Variants in SLC27A2 observed in about 807,000 individuals in gnomAD.
The protein encoded by SLC27A2 is long-chain fatty acid transport protein 2.
SLC27A2 carries 54 observed loss-of-function variants against 60.0 expected under a neutral mutation model. That is an observed-to-expected ratio of 0.90 (90% CI 0.72 to 1.13). The LOEUF (loss-of-function observed/expected upper bound fraction) is 1.13. Among genes scored for constraint, SLC27A2 ranks in the 50% most tolerant of loss-of-function variants. The pLI, the probability that SLC27A2 is intolerant of heterozygous loss-of-function variation, is 0.00. For synonymous variants in SLC27A2, 297 were observed against 297.6 expected (o/e 1.00, Z 0.02); for missense variants, 739 against 777.6 (o/e 0.95, Z 0.59).
intron 3 of SLC27A2, among the ~76,000 whole-genome samples, chr15:50,204,663 G>A (rs1286633656): frequency 2.6e-5 from 4 of 151,958 alleles, no homozygotes; most frequent in African/African-American, 4.8e-5. Context: ...AACCTGGGGG[G>A]CGGGTGTTGC....
intron 1 of SLC27A2, among the ~76,000 whole-genome samples, chr15:50,189,866 T>G (rs181788433): frequency 2.6e-5 from 4 of 152,212 alleles, no homozygotes; most frequent in African/African-American, 9.6e-5. Flanking sequence ...TGGTAACTCA[T>G]GATAAGGAAT....
chr15:50,235,264 T>G (rs916364390), intron 9 of SLC27A2, among the ~76,000 whole-genome samples: 11 of 152,216 alleles, frequency 7.2e-5, no homozygotes, highest in African/African-American at 2.7e-4. Flanking sequence ...CTCAGATATT[T>G]TGATTAACAC....
chr15:50,204,515 C>T (rs373878151), intron 3 of SLC27A2, among the ~76,000 whole-genome samples: 47 of 151,816 alleles, frequency 3.1e-4, no homozygotes, highest in East Asian at 3.9e-4. Context: ...GTACAGATCA[C>T]GAGGTCAGGA....
chr15:50,214,754 A>G (rs745854299), intron 4 of SLC27A2, among the ~76,000 whole-genome samples: 2 of 152,212 alleles, frequency 1.3e-5, no homozygotes, highest in Non-Finnish European at 2.9e-5. Context: ...GCATTCAACA[A>G]AATCCAGCAT....
At chr15:50,224,185 A>G (rs914191379) in intron 5 of SLC27A2, among the ~76,000 whole-genome samples, 5 of 152,244 alleles carry the variant, frequency 3.3e-5, no homozygotes, top group Admixed American at 2.0e-4. Flanking sequence ...TCACGCCTGT[A>G]ATCCCAGCAC....
At chr15:50,211,358 G>A (rs966433999) in intron 4 of SLC27A2, among the ~76,000 whole-genome samples, 1 of 152,152 alleles carries the variant, frequency 6.6e-6, no homozygotes, top group Non-Finnish European at 1.5e-5. Flanking sequence ...GACTTGCTGG[G>A]TGGCTAGACC....
At chr15:50,229,214 C>T (rs2045299328) in intron 8 of SLC27A2, among the ~76,000 whole-genome samples, 172 bp downstream of exon 8, 1 of 152,330 alleles carries the variant, frequency 6.6e-6, no homozygotes, top group Non-Finnish European at 1.5e-5. Context: ...AAAGCCAACT[C>T]AGTGCATCTG....
In SLC27A2 at chr15:50,226,061, G is replaced by A; in HGVS notation, c.1241G>A (p.Cys414Tyr). ...DEPVRDENGY[C>Y]VRVPKGEVGL... is the part of the protein sequence containing the mutation. ...CCTGTCCGTGATGAAAATGGATATT[G>A]CGTCAGAGTTCCCAAAGGTACAGTG... is the stretch of plus-strand genomic sequence containing the variant. Residue 414 changes from cysteine to tyrosine, a missense_variant, in exon 6 of 10, where the codon TGC becomes TAC. Coordinates refer to ENST00000267842, the MANE Select transcript of SLC27A2 (RefSeq NM_003645.4). 1 of 1,608,300 alleles carries A rather than the reference G, an allele frequency of 6.2e-7. No individual in the cohort carries two copies. Among genetic ancestry groups the A allele is most frequent in the Non-Finnish European group, 8.5e-7 (1 of 1,174,734 alleles).
chr15:50,205,882 C>CT (rs1758781945), intron 4 of SLC27A2, among the ~76,000 whole-genome samples: 1 of 152,128 alleles, frequency 6.6e-6, no homozygotes, highest in African/African-American at 2.4e-5. Flanking sequence ...ATACAGGAAA[C>CT]TTTTACTTAA....
chr15:50,226,663 C>A (rs559136403), intron 6 of SLC27A2, among the ~76,000 whole-genome samples: 9 of 152,248 alleles, frequency 5.9e-5, no homozygotes, highest in Admixed American at 5.2e-4. Flanking sequence ...CCATGGGAGG[C>A]AGAGGTTGCA....
intron 1 of SLC27A2, among the ~76,000 whole-genome samples, chr15:50,190,739 C>T (rs533400631): frequency 6.6e-6 from 1 of 152,118 alleles, no homozygotes; most frequent in Admixed American, 6.5e-5. Context: ...TTTCAACACC[C>T]AAGTGTGTGC....
chr15:50,207,998 G>T (rs1397706385), intron 4 of SLC27A2, among the ~76,000 whole-genome samples: 1 of 151,614 alleles, frequency 6.6e-6, no homozygotes, highest in Non-Finnish European at 1.5e-5. Context: ...AATGGGGGAA[G>T]GGCCTGGATC....
chr15:50,196,247 C>G lies in SLC27A2; in HGVS notation c.479-1253C>G, dbSNP rs542835313. 5.3e-5 allele frequency among the ~76,000 whole-genome samples: 8 copies of G among 150,256 alleles called. No individual in the cohort carries two copies. The East Asian group carries it at 7.8e-4, about 15-fold the overall frequency. On this transcript the variant is annotated intron_variant, in intron 1 of 9. Transcript: ENST00000267842. Reference sequence around the variant, plus strand: ...ATGAAATGTGGTTTGCATATTAAATCGGTGCCTTTAACATTTTTGACCTTA... The same window carrying G: ...ATGAAATGTGGTTTGCATATTAAATGGGTGCCTTTAACATTTTTGACCTTA...
At chr15:50,189,005 AGAT>A (rs2044950581) in intron 1 of SLC27A2, among the ~76,000 whole-genome samples, 1 of 151,602 alleles carries the variant, frequency 6.6e-6, no homozygotes, top group Non-Finnish European at 1.5e-5. Context: ...ATAGATAGAT[AGAT>A]AGATAGATAG....
chr15:50,199,342 C>CG (rs1468127497), intron 2 of SLC27A2, among the ~76,000 whole-genome samples: 6 of 151,770 alleles, frequency 4.0e-5, no homozygotes, highest in African/African-American at 1.5e-4. Flanking sequence ...GGTGTGGTAG[C>CG]GGGCACCTGT....
intron 2 of SLC27A2, among the ~76,000 whole-genome samples, chr15:50,201,151 T>C (rs1037945101): frequency 6.6e-6 from 1 of 152,118 alleles, no homozygotes; most frequent in Non-Finnish European, 1.5e-5. Context: ...CCCAGCTAAT[T>C]TGTTTTACTT....
At chr15:50,204,858 T>TGC (rs1491282874) in intron 3 of SLC27A2, among the ~76,000 whole-genome samples, 4 of 142,896 alleles carry the variant, frequency 2.8e-5, no homozygotes, top group Admixed American at 6.9e-5. Flanking sequence ...TGTATGTGTG[T>TGC]ATATATATAT....
At chr15:50,188,990 G>A (rs566329017) in intron 1 of SLC27A2, among the ~76,000 whole-genome samples, 19 of 142,446 alleles carry the variant, frequency 1.3e-4, no homozygotes, top group African/African-American at 4.2e-4. Flanking sequence ...TAAATAGATA[G>A]ATAGATAGAT....
chr15:50,202,732 T>C (rs2045075250), intron 3 of SLC27A2, 87 bp downstream of exon 3: 1 of 1,377,534 alleles, frequency 7.3e-7, no homozygotes, highest in Non-Finnish European at 1.0e-6. Flanking sequence ...GCTACGTTGC[T>C]GTCTGCTAGG....
Sources: allele counts gnomAD v4.1 joint callset (sites outside exome capture counted in the v4.1 genomes callset), GRCh38; gene constraint gnomAD v4.1.1; transcripts MANE v1.5; gene names NCBI Gene and HGNC (gene_info 2026-07-23, HGNC 2026-07-21).